The following COX10 variants were observed in gnomAD, a reference collection of about 807,000 sequenced individuals.
COX10 encodes the protein protoheme IX farnesyltransferase, mitochondrial.
In COX10, 27 loss-of-function variants were observed where a neutral mutation model predicts 37.3. That is an observed-to-expected ratio of 0.72 (90% CI 0.53 to 1.00). COX10 has a LOEUF of 1.00. COX10 is among the 50% of genes least tolerant of loss of function. The pLI, the probability that COX10 is intolerant of heterozygous loss-of-function variation, is 0.00. For missense variants in COX10, 475 were observed against 563.2 expected (o/e 0.84, Z 1.59); for synonymous variants, 222 against 229.1 (o/e 0.97, Z 0.28).
At chr17:14,129,184 G>A (rs1364366541) in intron 4 of COX10, among the ~76,000 whole-genome samples, 11 of 148,016 alleles carry the variant, frequency 7.4e-5, no homozygotes, top group African/African-American at 2.7e-4. Flanking sequence ...TTTTGCATTA[G>A]TAAAAAAAAA....
At chr17:14,090,564 C>T (rs1915504735) in intron 3 of COX10, among the ~76,000 whole-genome samples, 1 of 152,174 alleles carries the variant, frequency 6.6e-6, no homozygotes, top group African/African-American at 2.4e-5. Context: ...TTCATAGTTA[C>T]TCTGAGATAT....
At chr17:14,169,258 A>G (rs549542426) in intron 5 of COX10, among the ~76,000 whole-genome samples, 162 of 152,290 alleles carry the variant, frequency 1.1e-3, no homozygotes, top group African/African-American at 3.7e-3. Context: ...CCAATTCCCA[A>G]TAATTTCCTT....
chr17:14,154,494 C>A (rs1483626635), intron 4 of COX10, among the ~76,000 whole-genome samples: 1 of 152,190 alleles, frequency 6.6e-6, no homozygotes, highest in East Asian at 1.9e-4. Context: ...TGCAACCACA[C>A]ACCTCTAAGT....
intron 4 of COX10, among the ~76,000 whole-genome samples, chr17:14,144,646 G>T (rs1165737985): frequency 6.6e-6 from 1 of 152,154 alleles, no homozygotes; most frequent in African/African-American, 2.4e-5. Context: ...TTTTAAAACA[G>T]TTTTTGCAAA....
intron 6 of COX10, among the ~76,000 whole-genome samples, chr17:14,205,200 C>T (rs886499133): frequency 6.6e-6 from 1 of 152,136 alleles, no homozygotes; most frequent in African/African-American, 2.4e-5. Context: ...TTCTGTGACT[C>T]CTAACACGTG....
chr17:14,109,517 G>A (rs974930812), intron 4 of COX10, among the ~76,000 whole-genome samples: 9 of 152,080 alleles, frequency 5.9e-5, no homozygotes, highest in African/African-American at 7.2e-5. Flanking sequence ...GTCATTATTC[G>A]CTTCTTAATG....
intron 4 of COX10, among the ~76,000 whole-genome samples, chr17:14,151,861 C>T (rs34622487): frequency 0.04 from 6,033 of 152,228 alleles, 166 homozygotes; most frequent in Non-Finnish European, 0.057. Context: ...TTTTTCAACA[C>T]ATTATATAAA....
chr17:14,156,318 C>A (rs72816672), intron 4 of COX10, among the ~76,000 whole-genome samples: 215 of 152,046 alleles, frequency 1.4e-3, no homozygotes, highest in African/African-American at 4.5e-3. Flanking sequence ...CTCTGCCTCC[C>A]GGGAGGGTTC....
At chr17:14,203,911 A>G (rs1246948484) in intron 6 of COX10, among the ~76,000 whole-genome samples, 1 of 152,068 alleles carries the variant, frequency 6.6e-6, no homozygotes, top group Non-Finnish European at 1.5e-5. Context: ...AGGGCAGATG[A>G]CACAGAGGGT....
At chr17:14,148,887 A>T (rs1597522035) in intron 4 of COX10, among the ~76,000 whole-genome samples, 1 of 149,326 alleles carries the variant, frequency 6.7e-6, no homozygotes, top group East Asian at 1.9e-4. Context: ...AACTATTTGG[A>T]TAATATATAA....
chr17:14,135,211 ATATTT>A (rs1420898836), intron 4 of COX10, among the ~76,000 whole-genome samples: 2 of 151,730 alleles, frequency 1.3e-5, no homozygotes, highest in African/African-American at 4.8e-5. Context: ...TTCTAATGAA[ATATTT>A]TATTTTAATC....
At chr17:14,115,148 T>C (rs1347823037) in intron 4 of COX10, among the ~76,000 whole-genome samples, 1 of 152,060 alleles carries the variant, frequency 6.6e-6, no homozygotes, top group Non-Finnish European at 1.5e-5. Context: ...ACTCAACAAT[T>C]AAAAGGGGCT....
intron 4 of COX10, among the ~76,000 whole-genome samples, chr17:14,103,556 G>C (rs1232869715): frequency 6.6e-6 from 1 of 152,042 alleles, no homozygotes; most frequent in East Asian, 1.9e-4. Context: ...GACATTCAGA[G>C]AAAAAATAAC....
chr17:14,116,444 C>T (rs556475144), intron 4 of COX10, among the ~76,000 whole-genome samples: 11 of 152,280 alleles, frequency 7.2e-5, no homozygotes, highest in East Asian at 1.9e-4. Context: ...TCAACAGCTC[C>T]GCTTAGACTT....
At chr17:14,096,606 C>T (rs528685112) in intron 3 of COX10, among the ~76,000 whole-genome samples, 3 of 152,134 alleles carry the variant, frequency 2.0e-5, no homozygotes, top group East Asian at 1.9e-4. Flanking sequence ...CTGACTTCAA[C>T]GGATCCTCCC....
intron 1 of COX10, among the ~76,000 whole-genome samples, chr17:14,071,187 A>G (rs1329590200): frequency 6.6e-6 from 1 of 152,152 alleles, no homozygotes; most frequent in East Asian, 1.9e-4. Context: ...AGGTTTTTCC[A>G]GCATGCATCC....
intron 3 of COX10, chr17:14,077,417 C>G: frequency 3.5e-6 from 1 of 284,748 alleles, no homozygotes; most frequent in Admixed American, 5.1e-5. Context: ...AATTGCACTA[C>G]TGGGCTTGAT....
At chr17:14,123,831 TG>T (rs1204810042) in intron 4 of COX10, among the ~76,000 whole-genome samples, 1 of 152,180 alleles carries the variant, frequency 6.6e-6, no homozygotes, top group Non-Finnish European at 1.5e-5. Flanking sequence ...AACAGGTGCA[TG>T]CAATTTATGT....
chr17:14,094,549 G>C (rs1915602101), intron 3 of COX10, among the ~76,000 whole-genome samples: 1 of 143,106 alleles, frequency 7.0e-6, no homozygotes, highest in Non-Finnish European at 1.6e-5. Flanking sequence ...CTTTGCAAAT[G>C]TAAGTTTTGT....
Sources: gnomAD v4.1 joint callset for allele counts (sites outside exome capture counted in the v4.1 genomes callset) on GRCh38, gnomAD v4.1.1 for gene constraint, MANE v1.5 for transcripts, NCBI Gene and HGNC (gene_info 2026-07-23, HGNC 2026-07-21) for gene names.